DMD: variants seen among roughly 807,000 people sequenced by gnomAD.
DMD encodes the protein mutant dystrophin.
DMD carries 63 observed loss-of-function variants against 330.1 expected under a neutral mutation model. The observed-to-expected ratio is 0.19, with a 90% CI of 0.16 to 0.24. DMD has a LOEUF of 0.24. DMD is among the 10% of genes least tolerant of loss of function. The pLI is 1.00. For synonymous variants in DMD, 1,223 were observed against 959.8 expected (o/e 1.27, Z -5.07); for missense variants, 3,344 against 2,684.1 (o/e 1.25, Z -5.43).
intron 9 of DMD, among the ~76,000 whole-genome samples, chrX:32,657,834 T>A (rs1429032551): frequency 8.9e-6 from 1 of 111,830 alleles, no homozygotes; most frequent in Non-Finnish European, 1.9e-5. Context: ...AATTTTCAAA[T>A]ACGTCTCATG....
chrX:31,469,793 C>T (rs1031700587), intron 59 of DMD, among the ~76,000 whole-genome samples: 1 of 112,006 alleles, frequency 8.9e-6, no homozygotes, highest in Non-Finnish European at 1.9e-5. Context: ...CTCCCCATCA[C>T]TTTCAGGTAC....
At chrX:32,462,743 C>G in intron 25 of DMD, among the ~76,000 whole-genome samples, 1 of 110,400 alleles carries the variant, frequency 9.1e-6, no homozygotes, top group Non-Finnish European at 1.9e-5. Flanking sequence ...ATTGTTTGAG[C>G]CCAGGAATTC....
At chrX:32,351,548 C>T (rs750617796) in intron 37 of DMD, among the ~76,000 whole-genome samples, 2 of 108,546 alleles carry the variant, frequency 1.8e-5, no homozygotes, top group Non-Finnish European at 1.9e-5. Context: ...CAGATACAGT[C>T]AGTGGGGTGT....
chrX:31,749,949 G>C (rs2088344307), intron 51 of DMD, among the ~76,000 whole-genome samples: 2 of 107,458 alleles, frequency 1.9e-5, no homozygotes, highest in South Asian at 8.3e-4. Context: ...CTTCTTTTGA[G>C]AAGTGTCTGT....
intron 2 of DMD, among the ~76,000 whole-genome samples, chrX:32,919,367 A>C (rs1232599679): frequency 8.9e-6 from 1 of 112,028 alleles, no homozygotes; most frequent in Non-Finnish European, 1.9e-5. Context: ...GTCTAAGAAC[A>C]TCCCTAGGAA....
intron 5 of DMD, among the ~76,000 whole-genome samples, chrX:32,817,350 C>A (rs770614951): frequency 8.9e-6 from 1 of 111,859 alleles, no homozygotes; most frequent in Non-Finnish European, 1.9e-5. Flanking sequence ...ATTTTCATTA[C>A]TTGGTTTCCA....
intron 41 of DMD, among the ~76,000 whole-genome samples, chrX:32,340,964 T>C (rs1259545199): frequency 8.9e-6 from 1 of 112,033 alleles, no homozygotes; most frequent in Non-Finnish European, 1.9e-5. Context: ...GAAAACAGTG[T>C]ATTTATTAAT....
intron 59 of DMD, among the ~76,000 whole-genome samples, chrX:31,447,260 A>ATTTTTTTTTT (rs72227601): frequency 9.5e-5 from 5 of 52,473 alleles, no homozygotes; most frequent in Non-Finnish European, 1.3e-4. Flanking sequence ...AGATCTTGGG[A>ATTTTTTTTTT]TTTTTTTTTT....
In DMD at chrX:32,819,853, A is replaced by G. The variant is rs201732935; in HGVS notation, c.358-3213T>C. ...GAAAATATGTAATGTTGGTGTAAAA[A>G]AAAAAAAAAAAAAGAAAAACACATT... On this transcript the variant is annotated intron_variant, in intron 5 of 78. Transcript: ENST00000357033. 5.6e-5 allele frequency among the ~76,000 whole-genome samples: 6 copies of G among 108,042 alleles called. No individual in the cohort carries two copies. In the East Asian group the frequency reaches 1.7e-3, roughly 31 times the overall value. The allele number at this position is 108,042 out of a possible 115,157, so 93.8% of individuals were successfully genotyped here.
intron 47 of DMD, among the ~76,000 whole-genome samples, chrX:31,907,003 C>T (rs1194455530): frequency 8.9e-6 from 1 of 112,227 alleles, no homozygotes; most frequent in Non-Finnish European, 1.9e-5. Context: ...GAAGAATCAA[C>T]ATCTTTTCAA....
chrX:33,051,646 A>ATTTTTTTTCTTTTTTTTTTTTTTTTTTTT (rs2094458566), intron 1 of DMD, among the ~76,000 whole-genome samples: 1 of 71,959 alleles, frequency 1.4e-5, no homozygotes, highest in African/African-American at 6.5e-5. Flanking sequence ...ATTACGCTCT[A>ATTTTTTTTCTTTTTTTTTTTTTTTTTTTT]TTTTTTTTTT....
chrX:32,309,635 G>A (rs1169386957), intron 42 of DMD, among the ~76,000 whole-genome samples: 1 of 110,146 alleles, frequency 9.1e-6, no homozygotes, highest in African/African-American at 3.3e-5. Context: ...TTATAGCACA[G>A]GTATTGACAT....
chrX:32,042,154 CATAT>C (rs2096014120), intron 44 of DMD, among the ~76,000 whole-genome samples: 2 of 60,813 alleles, frequency 3.3e-5, no homozygotes, highest in South Asian at 6.9e-4. Context: ...TATATACATA[CATAT>C]ACACACATAT....
chrX:33,288,840 T>C lies in DMD; in HGVS notation c.7+50419A>G, dbSNP rs764125446. On this transcript the variant is annotated intron_variant, in intron 1 of 17. Coordinates refer to the DMD transcript ENST00000288447. ...ATTAAGGATTGTAACCAAGAGACAATAGCTGTTGGTTTTATTTTTTATTCT... is the reference window on the plus strand; with the variant it reads ...ATTAAGGATTGTAACCAAGAGACAACAGCTGTTGGTTTTATTTTTTATTCT... Among the ~76,000 whole-genome samples the C allele has an allele frequency of 4.5e-5, 5 of 111,568 alleles. No individual in the cohort carries two copies. The East Asian group carries it at 1.4e-3, about 32-fold the overall frequency.
At chrX:32,333,476 A>G (rs1391914612) in intron 41 of DMD, among the ~76,000 whole-genome samples, 1 of 111,564 alleles carries the variant, frequency 9.0e-6, no homozygotes, top group African/African-American at 3.2e-5. Flanking sequence ...AAGTGTCACT[A>G]CTTTCTAAGG....
intron 59 of DMD, among the ~76,000 whole-genome samples, chrX:31,453,776 A>AAAAAAAAAAAAAAAAAAC (rs2065943951): frequency 4.8e-5 from 5 of 103,377 alleles, no homozygotes; most frequent in Admixed American, 1.0e-4. Context: ...AAAAAAAAAA[A>AAAAAAAAAAAAAAAAAAC]AAAAAAAAAA....
At chrX:31,704,783 T>A (rs2084054249) in intron 52 of DMD, among the ~76,000 whole-genome samples, 1 of 112,207 alleles carries the variant, frequency 8.9e-6, no homozygotes. Context: ...TTTATATATT[T>A]GTTAATTATT....
chrX:31,837,922 T>C (rs1164436835), intron 48 of DMD, among the ~76,000 whole-genome samples: 2 of 112,468 alleles, frequency 1.8e-5, no homozygotes, highest in African/African-American at 3.2e-5. Flanking sequence ...AACAGGCACT[T>C]TGGTCAAAAT....
At position 32,296,436 on chromosome X, in the gene DMD, G is replaced by T. The variant is rs7882108; in HGVS notation, c.6118-8735C>A. ...AAACAAACATCACTTCCTCTGTCCC[G>T]TCTCTGTGGTCATTCAATTCAGCCA... is the stretch of plus-strand genomic sequence containing the variant. On this transcript the variant is annotated intron_variant, in intron 42 of 78. Transcript: ENST00000357033. Among the ~76,000 whole-genome samples the T allele has an allele frequency of 4.4e-3, 488 of 110,547 alleles. 4 individuals carry two copies. The highest frequency in any genetic ancestry group is 0.015 in the African/African-American group (471 of 30,405).
Sources: allele counts gnomAD v4.1 joint callset (sites outside exome capture counted in the v4.1 genomes callset), GRCh38; gene constraint gnomAD v4.1.1; transcripts MANE v1.5; gene names NCBI Gene and HGNC (gene_info 2026-07-23, HGNC 2026-07-21).